Variants in DGLUCY observed in about 807,000 individuals in gnomAD.
DGLUCY encodes D-glutamate cyclase, mitochondrial.
A neutral mutation model predicts 58.5 loss-of-function variants in DGLUCY; 58 were observed. The ratio of observed to expected loss-of-function variants is 0.99; its 90% CI spans 0.80 to 1.23. The LOEUF (loss-of-function observed/expected upper bound fraction) is 1.23. Ranked by LOEUF, DGLUCY falls within the 50% of genes most tolerant of loss-of-function variation. The probability of loss-of-function intolerance (pLI) is 0.00; values close to 1 mark genes in which losing one functional copy is unlikely to be tolerated. For synonymous variants in DGLUCY, 325 were observed against 314.1 expected (o/e 1.03, Z -0.37); for missense variants, 779 against 784.7 (o/e 0.99, Z 0.09).
intron 1 of DGLUCY, among the ~76,000 whole-genome samples, chr14:91,146,788 T>C (rs1199837424): frequency 6.6e-6 from 1 of 152,214 alleles, no homozygotes; most frequent in Non-Finnish European, 1.5e-5. Context: ...AAGCGGACTG[T>C]GCTCCTATTC....
intron 3 of DGLUCY, among the ~76,000 whole-genome samples, chr14:91,160,876 T>C (rs1242074039): frequency 6.6e-6 from 1 of 152,174 alleles, no homozygotes; most frequent in African/African-American, 2.4e-5. Flanking sequence ...ACCAAATTTG[T>C]CATTGACCTA....
intron 3 of DGLUCY, among the ~76,000 whole-genome samples, chr14:91,166,337 T>C (rs2140374764): frequency 6.6e-6 from 1 of 152,312 alleles, no homozygotes; most frequent in African/African-American, 2.4e-5. Context: ...CAGGGTGGTG[T>C]ACACTTTTTT....
chr14:91,166,458 T>G (rs1229461115), intron 3 of DGLUCY, among the ~76,000 whole-genome samples: 1 of 151,452 alleles, frequency 6.6e-6, no homozygotes, highest in African/African-American at 2.4e-5. Flanking sequence ...TGAGCCCAGG[T>G]GTTTGAGACC....
chr14:91,167,897 C>G (rs1323387511), intron 4 of DGLUCY, among the ~76,000 whole-genome samples: 1 of 152,112 alleles, frequency 6.6e-6, no homozygotes, highest in Non-Finnish European at 1.5e-5. Context: ...CCTTTCTTCC[C>G]CAACCCTGTC....
At chr14:91,113,922 C>T (rs1327600325), upstream of DGLUCY, 2 of 152,282 alleles carry the variant, frequency 1.3e-5, no homozygotes, top group African/African-American at 4.8e-5. Flanking sequence ...TTCAAAATTA[C>T]CCCTCTGTTG....
At chr14:91,205,096 G>A (rs575355274) in intron 12 of DGLUCY, among the ~76,000 whole-genome samples, 9 of 152,278 alleles carry the variant, frequency 5.9e-5, no homozygotes, top group African/African-American at 1.7e-4. Context: ...TAGAGAATGA[G>A]CCCTGACAAA....
intron 12 of DGLUCY, among the ~76,000 whole-genome samples, chr14:91,213,603 A>T (rs993926603): frequency 6.6e-6 from 1 of 152,180 alleles, no homozygotes; most frequent in South Asian, 2.1e-4. Flanking sequence ...AGTAGAATAC[A>T]GTATTATTTT....
chr14:91,103,997 C>T (rs747637513), upstream of DGLUCY, among the ~76,000 whole-genome samples: 2 of 151,616 alleles, frequency 1.3e-5, no homozygotes, highest in Non-Finnish European at 2.9e-5. Context: ...CTCTGCAGAG[C>T]AGTAGTGCTC....
At chr14:91,209,300 C>CA (rs1175802693) in intron 12 of DGLUCY, among the ~76,000 whole-genome samples, 5 of 151,822 alleles carry the variant, frequency 3.3e-5, no homozygotes, top group African/African-American at 4.8e-5. Context: ...AAGAACAAAA[C>CA]AAAAAAATGG....
At chr14:91,155,549 C>G (rs1470975698) in intron 1 of DGLUCY, among the ~76,000 whole-genome samples, 1 of 152,112 alleles carries the variant, frequency 6.6e-6, no homozygotes, top group Non-Finnish European at 1.5e-5. Flanking sequence ...GCGGCTCACT[C>G]CTATAATCCT....
intron 1 of DGLUCY, among the ~76,000 whole-genome samples, chr14:91,079,390 C>G (rs1056016980): frequency 3.4e-5 from 5 of 147,370 alleles, no homozygotes; most frequent in Non-Finnish European, 7.4e-5. Context: ...GAGTCTTGCT[C>G]TGTCGCCAGG....
At chr14:91,116,602 C>T (rs1455024472) in intron 1 of DGLUCY, among the ~76,000 whole-genome samples, 2 of 152,042 alleles carry the variant, frequency 1.3e-5, no homozygotes, top group East Asian at 3.8e-4. Context: ...CAAGAAGCAA[C>T]TGGGGGCAAG....
chr14:91,173,294 A>G lies in DGLUCY; in HGVS notation c.462A>G (p.Thr154=), dbSNP rs2048675820. The G allele has an allele frequency of 6.2e-7, 1 of 1,610,722 alleles. No homozygotes were observed. The highest frequency in any genetic ancestry group is 8.5e-7 in the Non-Finnish European group (1 of 1,179,180). The part of the protein sequence containing the change: ...GHSQAGAYKT[T]VPCVTHAGFC... ...TTTTTTTTTTTTTTGGTCAGACAAC[A>G]GTGCCTTGTGTTACCCATGCTGGCT... is the stretch of plus-strand genomic sequence containing the variant. The change falls in exon 6 of 14, where the codon ACA becomes ACG. Residue 154 remains threonine, a synonymous_variant. Transcript: ENST00000256324.
At chr14:91,194,889 C>T (rs1166753357) in intron 9 of DGLUCY, among the ~76,000 whole-genome samples, 2 of 152,222 alleles carry the variant, frequency 1.3e-5, no homozygotes, top group Non-Finnish European at 2.9e-5. Flanking sequence ...CTCATGCCAA[C>T]TTGCCCCATT....
At chr14:91,167,186 C>T (rs781206371) in intron 3 of DGLUCY, 39 bp from the exon 4 acceptor site, 12 of 1,546,206 alleles carry the variant, frequency 7.8e-6, no homozygotes, top group South Asian at 2.5e-5. Context: ...GCCAAGAAAC[C>T]GCTGACTATA....
At chr14:91,119,470 T>G (rs995992846) in intron 1 of DGLUCY, among the ~76,000 whole-genome samples, 9 of 152,196 alleles carry the variant, frequency 5.9e-5, no homozygotes, top group African/African-American at 2.2e-4. Flanking sequence ...CTGAAGACTC[T>G]TTCTCACTGC....
At chr14:91,123,083 G>A (rs8016686) in intron 1 of DGLUCY, among the ~76,000 whole-genome samples, 127,369 of 152,098 alleles carry the variant, frequency 0.84, 53,694 homozygotes, top group East Asian at 1. Flanking sequence ...AGAGTTGCTC[G>A]CTGTGCTCAG....
At chr14:91,197,621 C>T (rs2050299198) in intron 10 of DGLUCY, among the ~76,000 whole-genome samples, 1 of 152,204 alleles carries the variant, frequency 6.6e-6, no homozygotes, top group African/African-American at 2.4e-5. Flanking sequence ...ATTCGAGGCA[C>T]CTTGTGTAAG....
intron 1 of DGLUCY, among the ~76,000 whole-genome samples, chr14:91,108,805 TG>T (rs1313440984): frequency 2.0e-5 from 3 of 152,198 alleles, no homozygotes; most frequent in Admixed American, 2.0e-4. Flanking sequence ...CCCAAAGTGC[TG>T]GGATTACAGG....
Sources: allele counts gnomAD v4.1 joint callset (sites outside exome capture counted in the v4.1 genomes callset), GRCh38; gene constraint gnomAD v4.1.1; transcripts MANE v1.5; gene names NCBI Gene and HGNC (gene_info 2026-07-23, HGNC 2026-07-21).